Variants in RASSF2 observed in about 807,000 individuals in gnomAD.
RASSF2 encodes the protein ras association domain-containing protein 2.
In RASSF2, 34 loss-of-function variants were observed where a neutral mutation model predicts 46.3. That is an observed-to-expected ratio of 0.73 (90% CI 0.56 to 0.98). The LOEUF (loss-of-function observed/expected upper bound fraction) is 0.98. Ranked by LOEUF, RASSF2 falls within the 50% of genes least tolerant of loss-of-function variation. The pLI, the probability that RASSF2 is intolerant of heterozygous loss-of-function variation, is 0.00. For missense variants in RASSF2, 364 were observed against 431.2 expected (o/e 0.84, Z 1.38); for synonymous variants, 158 against 162.5 (o/e 0.97, Z 0.21).
chr20:4,810,687 GTTTT>G (rs1488890982), intron 2 of RASSF2, among the ~76,000 whole-genome samples: 1 of 152,198 alleles, frequency 6.6e-6, no homozygotes, highest in Non-Finnish European at 1.5e-5. Flanking sequence ...GGTCACTTTT[GTTTT>G]TTGTTTCCTG....
chr20:4,801,003 C>T lies in RASSF2; in HGVS notation c.28G>A (p.Val10Ile), dbSNP rs553281953. 54 of 1,613,778 alleles carry T rather than the reference C, an allele frequency of 3.3e-5. 1 individual carries two copies. The South Asian group carries it at 5.4e-4, about 16-fold the overall frequency. The stretch of plus-strand genomic sequence containing the variant: ...ATGTATTTATCTTGTCCACATGGGA[C>T]TAGGGACGTTTGGTGGCTGTAGTCC... MDYSHQTSL[V>I]PCGQDKYISK... Residue 10 changes from valine (V) to isoleucine (I), a missense_variant, in exon 3 of 12, where the codon GTC becomes ATC. By Grantham distance (29) the Val-to-Ile change is conservative. Transcript: ENST00000379400.
chr20:4,793,312 A>C (rs1406790243), intron 5 of RASSF2, among the ~76,000 whole-genome samples: 1 of 152,204 alleles, frequency 6.6e-6, no homozygotes, highest in Admixed American at 6.5e-5. Context: ...AAAAACATCC[A>C]AAATCAACAG....
chr20:4,784,425 C>T, intron 11 of RASSF2, 83 bp from the exon 12 acceptor site: 2 of 1,305,890 alleles, frequency 1.5e-6, no homozygotes, highest in Middle Eastern at 1.9e-4. Context: ...TGGGTAACAC[C>T]AAGGTCACAC....
intron 9 of RASSF2, 145 bp from the exon 10 acceptor site, chr20:4,787,899 G>A: frequency 9.5e-7 from 1 of 1,056,240 alleles, no homozygotes; most frequent in Non-Finnish European, 1.4e-6. Context: ...CATAGGTGTT[G>A]TGAAAAGCAA....
Position 4,798,093 on chromosome 20 carries a change from G to A in RASSF2, c.60-8C>T. ...TGCAAGAGAAGTTCATTTCTTAGGG[G>A]GAAAAATAGAAGAGATATAACATTA... is the stretch of plus-strand genomic sequence containing the variant. On this transcript the variant is annotated splice_polypyrimidine_tract_variant and splice_region_variant and intron_variant, in intron 3 of 11. Transcript: ENST00000379400. The A allele has an allele frequency of 6.2e-7, 1 of 1,613,370 alleles. No individual in the cohort carries two copies. Among genetic ancestry groups the A allele is most frequent in the Non-Finnish European group, 8.5e-7 (1 of 1,179,566 alleles).
At chr20:4,804,400 C>T (rs868102199) in intron 2 of RASSF2, among the ~76,000 whole-genome samples, 12 of 125,548 alleles carry the variant, frequency 9.6e-5, no homozygotes, top group Admixed American at 8.4e-4. Context: ...TGCAGTGGTG[C>T]GATCTCAGCT....
chr20:4,804,219 GTC>G (rs769653668), intron 2 of RASSF2, among the ~76,000 whole-genome samples: 2 of 151,712 alleles, frequency 1.3e-5, no homozygotes, highest in Non-Finnish European at 2.9e-5. Context: ...AACACAATTG[GTC>G]TCTCTAAATT....
rs767520344 is a variant in RASSF2, at chr20:4,801,078, G to T, written c.-32-16C>A. Reference sequence around the variant, plus strand: ...AAGGAGAGGCCTACATTTGGAAGGAGAAGACAGAGGTTAAAGTCAAGTTGT... The same window carrying T: ...AAGGAGAGGCCTACATTTGGAAGGATAAGACAGAGGTTAAAGTCAAGTTGT... On this transcript the variant is annotated splice_polypyrimidine_tract_variant and intron_variant, in intron 2 of 11. Transcript: ENST00000379400. 1.3e-6 allele frequency: 2 copies of T among 1,598,222 alleles called. No individual in the cohort carries two copies. Among genetic ancestry groups the T allele is most frequent in the South Asian group, 2.2e-5 (2 of 90,510 alleles).
intron 2 of RASSF2, among the ~76,000 whole-genome samples, chr20:4,819,005 A>T (rs1670660022): frequency 6.6e-6 from 1 of 151,890 alleles, no homozygotes; most frequent in African/African-American, 2.4e-5. Context: ...TCTTGTTGCC[A>T]AGGCTGGAGC....
chr20:4,788,315 T>A lies in RASSF2; in HGVS notation c.640-47A>T, dbSNP rs191122987. ...CTTGTTGAAAGTTTCTATTTAAACA[T>A]CCCAACTTCGAGGCTTTTCCTCTTC... is the stretch of plus-strand genomic sequence containing the variant. On this transcript the variant is annotated intron_variant, in intron 8 of 11. Coordinates refer to ENST00000379400, the MANE Select transcript of RASSF2 (RefSeq NM_014737.3). The A allele has an allele frequency of 1.2e-4, 185 of 1,533,278 alleles. No homozygotes were observed. The African/African-American group carries it at 2.2e-3, about 18-fold the overall frequency. The allele number at this position is 1,533,278 out of a possible 1,614,324, so 95.0% of individuals were successfully genotyped here.
At chr20:4,794,524 A>T (rs1411782530) in intron 5 of RASSF2, among the ~76,000 whole-genome samples, 1 of 151,802 alleles carries the variant, frequency 6.6e-6, no homozygotes, top group Non-Finnish European at 1.5e-5. Flanking sequence ...CCGAGATCGC[A>T]TCACTGCACT....
At position 4,803,465 on chromosome 20, in the gene RASSF2, T is replaced by C. The variant is rs146208959; in HGVS notation, c.-32-2403A>G. On this transcript the variant is annotated intron_variant, in intron 2 of 11. Coordinates refer to ENST00000379400, the MANE Select transcript of RASSF2 (RefSeq NM_014737.3). ...ACTACAGAACTGTGAGATAATCAAT[T>C]AGCGTTGGCCAGGCATGGTGGTTCA... Among the ~76,000 whole-genome samples the C allele has an allele frequency of 3.7e-4, 57 of 152,242 alleles. 1 individual carries two copies. The East Asian group carries it at 9.5e-3, about 25-fold the overall frequency.
intron 5 of RASSF2, 98 bp from the exon 6 acceptor site, chr20:4,792,725 A>T: frequency 6.7e-7 from 1 of 1,491,642 alleles, no homozygotes; most frequent in Non-Finnish European, 8.9e-7. Flanking sequence ...AAAGGGGAGC[A>T]CTTTGCTAGT....
chr20:4,789,404 T>A (rs1314950050), intron 8 of RASSF2, among the ~76,000 whole-genome samples, 192 bp downstream of exon 8: 1 of 152,178 alleles, frequency 6.6e-6, no homozygotes, highest in Non-Finnish European at 1.5e-5. Flanking sequence ...TCTGAATTTC[T>A]AACAAGCACC....
rs925390158 is a variant in RASSF2 at position 4,781,508 on chromosome 20, G to A, written c.*2765C>T. The A allele has an allele frequency of 2.6e-5, 4 of 152,172 alleles. No individual in the cohort carries two copies. The highest frequency in any genetic ancestry group is 7.2e-5 in the African/African-American group (3 of 41,440). The allele number at this position is 152,172 out of a possible 1,614,324, so 9.4% of individuals were successfully genotyped here. A position where few individuals can be genotyped will look rare whatever the true frequency, so the allele number is the denominator to read the frequency against. On this transcript the variant is annotated 3_prime_UTR_variant, in exon 12 of 12. Transcript: ENST00000379400. ...GTTCTTCACCAATACGTACAGGGAA[G>A]ACTATCTTTTGTGCTTTTCAGCCTC...
chr20:4,803,982 C>T (rs933784279), intron 2 of RASSF2, among the ~76,000 whole-genome samples: 5 of 151,984 alleles, frequency 3.3e-5, no homozygotes, highest in East Asian at 1.9e-4. Context: ...AAATTGGGCC[C>T]GGGAGGCCAA....
At chr20:4,820,770 G>A (rs770516230) in intron 2 of RASSF2, among the ~76,000 whole-genome samples, 43 of 152,052 alleles carry the variant, frequency 2.8e-4, no homozygotes, top group Non-Finnish European at 4.1e-4. Flanking sequence ...CCTGTTTCTC[G>A]CTCTGGAAGA....
At chr20:4,792,385 T>C (rs1259283334) in intron 6 of RASSF2, among the ~76,000 whole-genome samples, 154 bp downstream of exon 6, 2 of 152,104 alleles carry the variant, frequency 1.3e-5, no homozygotes, top group African/African-American at 4.8e-5. Flanking sequence ...TGCTTCTAGG[T>C]GGGTGGATGA....
chr20:4,780,716 C>T lies in RASSF2; in HGVS notation c.*3557G>A, dbSNP rs1924724527. On this transcript the variant is annotated 3_prime_UTR_variant, in exon 12 of 12. Coordinates refer to ENST00000379400, the MANE Select transcript of RASSF2 (RefSeq NM_014737.3). Reference sequence around the variant, plus strand: ...GCACAGTGGCTCACGCCTGTAATCCCAACACTTTGGGAGGCCTAGGCGGGT... The same window carrying T: ...GCACAGTGGCTCACGCCTGTAATCCTAACACTTTGGGAGGCCTAGGCGGGT... 1 of 152,226 alleles carries T rather than the reference C, an allele frequency of 6.6e-6. No individual in the cohort carries two copies. The highest frequency in any genetic ancestry group is 1.5e-5 in the Non-Finnish European group (1 of 68,092). 9.4% of individuals were successfully genotyped at this position (152,226 alleles called of 1,614,324 possible).
Sources: gnomAD v4.1 joint callset for allele counts (sites outside exome capture counted in the v4.1 genomes callset) on GRCh38, gnomAD v4.1.1 for gene constraint, MANE v1.5 for transcripts, NCBI Gene and HGNC (gene_info 2026-07-23, HGNC 2026-07-21) for gene names.